KCNAB1: variants seen among roughly 807,000 people sequenced by gnomAD.
The protein encoded by KCNAB1 is potassium voltage-gated channel subfamily A regulatory beta subunit 1.
A neutral mutation model predicts 64.6 loss-of-function variants in KCNAB1; 35 were observed. The ratio of observed to expected loss-of-function variants is 0.54; its 90% CI spans 0.41 to 0.72. The LOEUF is 0.72. Among genes scored for constraint, KCNAB1 ranks in the 30% least tolerant of loss-of-function variants. The pLI, the probability that KCNAB1 is intolerant of heterozygous loss-of-function variation, is 0.00. For synonymous variants in KCNAB1, 177 were observed against 183.8 expected (o/e 0.96, Z 0.30); for missense variants, 401 against 512.9 (o/e 0.78, Z 2.11).
chr3:156,481,950 C>T (rs1325893835), intron 8 of KCNAB1, among the ~76,000 whole-genome samples: 2 of 152,124 alleles, frequency 1.3e-5, no homozygotes, highest in Non-Finnish European at 2.9e-5. Context: ...ATGTAAAACT[C>T]TCCTTTCTCT....
chr3:156,373,182 G>GCTGAGCAA (rs1282629139), intron 1 of KCNAB1, among the ~76,000 whole-genome samples: 2 of 152,222 alleles, frequency 1.3e-5, no homozygotes, highest in Non-Finnish European at 2.9e-5. Context: ...CAGCTGAGCA[G>GCTGAGCAA]CTGAAACTGT....
chr3:156,276,613 T>G (rs1320821093), intron 1 of KCNAB1, among the ~76,000 whole-genome samples: 1 of 152,220 alleles, frequency 6.6e-6, no homozygotes, highest in Non-Finnish European at 1.5e-5. Context: ...TAGCTTCTAT[T>G]TAGTACTTAC....
chr3:156,436,478 T>C (rs1456470442), intron 2 of KCNAB1, among the ~76,000 whole-genome samples: 1 of 152,228 alleles, frequency 6.6e-6, no homozygotes, highest in African/African-American at 2.4e-5. Context: ...TCTAGGTCTT[T>C]GAGGAATCAC....
chr3:156,176,359 T>C, intron 1 of KCNAB1: 2 of 801,254 alleles, frequency 2.5e-6, no homozygotes, highest in Admixed American at 1.7e-5. Context: ...CTGAAATGTT[T>C]AGATGGCTGC....
intron 5 of KCNAB1, among the ~76,000 whole-genome samples, chr3:156,462,749 C>T (rs1279950390): frequency 6.6e-6 from 1 of 152,154 alleles, no homozygotes. Flanking sequence ...TTCAAGCGCT[C>T]CTGAAGATTG....
chr3:156,205,052 A>G (rs1051233040), intron 1 of KCNAB1, among the ~76,000 whole-genome samples: 1 of 152,198 alleles, frequency 6.6e-6, no homozygotes, highest in Non-Finnish European at 1.5e-5. Flanking sequence ...ATTGATAATT[A>G]TATTAAGTGA....
At chr3:156,279,821 T>C (rs1719584342) in intron 1 of KCNAB1, among the ~76,000 whole-genome samples, 1 of 152,006 alleles carries the variant, frequency 6.6e-6, no homozygotes, top group Non-Finnish European at 1.5e-5. Flanking sequence ...GTTGTTTGTT[T>C]TTTTCTTGTA....
chr3:156,434,729 C>T (rs1559882932), intron 2 of KCNAB1, among the ~76,000 whole-genome samples: 1 of 151,908 alleles, frequency 6.6e-6, no homozygotes, highest in East Asian at 1.9e-4. Context: ...ATGAAATAAA[C>T]AAACTAGAAT....
intron 8 of KCNAB1, among the ~76,000 whole-genome samples, chr3:156,511,789 A>G (rs1717232698): frequency 1.3e-5 from 2 of 152,174 alleles, no homozygotes; most frequent in Admixed American, 1.3e-4. Context: ...ACTATATTCT[A>G]CCATCCCCTT....
chr3:156,339,584 CT>C (rs1723961408), intron 1 of KCNAB1, among the ~76,000 whole-genome samples: 1 of 152,194 alleles, frequency 6.6e-6, no homozygotes, highest in Non-Finnish European at 1.5e-5. Flanking sequence ...ACAACTTTGC[CT>C]ACTTCAATCC....
At chr3:156,259,010 C>T (rs962108422) in intron 1 of KCNAB1, among the ~76,000 whole-genome samples, 1 of 152,210 alleles carries the variant, frequency 6.6e-6, no homozygotes, top group Admixed American at 6.5e-5. Flanking sequence ...TGTTGTCTCT[C>T]TTTCAAATGT....
At chr3:156,198,442 T>C (rs1487352123) in intron 1 of KCNAB1, among the ~76,000 whole-genome samples, 2 of 152,170 alleles carry the variant, frequency 1.3e-5, no homozygotes, top group African/African-American at 4.8e-5. Context: ...TGTAGCTCTC[T>C]AAGAACTTGT....
chr3:156,273,759 G>T (rs987634176), intron 1 of KCNAB1: 5 of 424,324 alleles, frequency 1.2e-5, no homozygotes, highest in South Asian at 8.6e-5. Context: ...GTGTTCCTGT[G>T]GGGAGGATGA....
At chr3:156,468,298 GTA>G (rs1293568739) in intron 7 of KCNAB1, among the ~76,000 whole-genome samples, 2 of 152,104 alleles carry the variant, frequency 1.3e-5, no homozygotes, top group Non-Finnish European at 2.9e-5. Flanking sequence ...ATCTCAGAAT[GTA>G]TATATATGTA....
chr3:156,386,075 A>C (rs1217981392), intron 1 of KCNAB1, among the ~76,000 whole-genome samples: 1 of 152,236 alleles, frequency 6.6e-6, no homozygotes, highest in African/African-American at 2.4e-5. Flanking sequence ...TTGCCTCCTC[A>C]GAAGAAATAA....
chr3:156,534,206 A>G (rs1287818846), intron 13 of KCNAB1, among the ~76,000 whole-genome samples: 2 of 152,166 alleles, frequency 1.3e-5, no homozygotes, highest in Admixed American at 6.5e-5. Context: ...ACTGGCTGCA[A>G]AAGGATGGAA....
chr3:156,290,370 G>C (rs1299878212), intron 1 of KCNAB1, among the ~76,000 whole-genome samples: 3 of 152,166 alleles, frequency 2.0e-5, no homozygotes, highest in Admixed American at 2.0e-4. Flanking sequence ...CTTGACAGCA[G>C]TATCTGTTGG....
chr3:156,166,530 T>TACACACACACACACAC (rs57754528), intron 1 of KCNAB1, among the ~76,000 whole-genome samples: 1 of 148,806 alleles, frequency 6.7e-6, no homozygotes, highest in Non-Finnish European at 1.5e-5. Flanking sequence ...AATACATATA[T>TACACACACACACACAC]ACACACACAC....
rs528247174 is a variant in KCNAB1 at position 156,184,567 on chromosome 3, A to G, written c.275+63681A>G. Among the ~76,000 whole-genome samples, 202 of 152,354 alleles carry G rather than the reference A, an allele frequency of 1.3e-3. 1 individual carries two copies. The highest frequency in any genetic ancestry group is 2.2e-3 in the Non-Finnish European group (148 of 68,030). ...CTGGCTAGACAGATAATTGATGGAAAGAGTGCCTGGAACAGCCAAAATGGC... is the reference window on the plus strand; with the variant it reads ...CTGGCTAGACAGATAATTGATGGAAGGAGTGCCTGGAACAGCCAAAATGGC... On this transcript the variant is annotated intron_variant, in intron 1 of 13. Coordinates refer to ENST00000490337, the MANE Select transcript of KCNAB1 (RefSeq NM_172160.3).
Sources: gnomAD v4.1 joint callset for allele counts (sites outside exome capture counted in the v4.1 genomes callset) on GRCh38, gnomAD v4.1.1 for gene constraint, MANE v1.5 for transcripts, NCBI Gene and HGNC (gene_info 2026-07-23, HGNC 2026-07-21) for gene names.